AFAP1: variants seen among roughly 807,000 people sequenced by gnomAD.
The protein encoded by AFAP1 is actin filament-associated protein 1.
A neutral mutation model predicts 93.9 loss-of-function variants in AFAP1; 75 were observed. The observed-to-expected ratio is 0.80, with a 90% CI of 0.66 to 0.97. The LOEUF is 0.97. AFAP1 is among the 50% of genes least tolerant of loss of function. AFAP1 has a pLI of 0.00. For synonymous variants in AFAP1, 517 were observed against 430.7 expected (o/e 1.20, Z -2.48); for missense variants, 1,201 against 1,050.8 (o/e 1.14, Z -1.98).
At chr4:7,823,741 A>G (rs1469284239) in intron 6 of AFAP1, among the ~76,000 whole-genome samples, 2 of 152,168 alleles carry the variant, frequency 1.3e-5, no homozygotes, top group African/African-American at 4.8e-5. Flanking sequence ...TTGCTCTCTA[A>G]TCATTAACTT....
intron 3 of AFAP1, among the ~76,000 whole-genome samples, chr4:7,864,935 G>A (rs940847773): frequency 6.6e-6 from 1 of 151,982 alleles, no homozygotes; most frequent in Non-Finnish European, 1.5e-5. Context: ...CTATGATCGT[G>A]CCACTGCACT....
chr4:7,782,740 C>T (rs981918668), intron 12 of AFAP1, among the ~76,000 whole-genome samples: 15 of 152,168 alleles, frequency 9.9e-5, no homozygotes, highest in African/African-American at 3.1e-4. Flanking sequence ...TTCTGCCAGA[C>T]GGTAATTACA....
intron 8 of AFAP1, among the ~76,000 whole-genome samples, chr4:7,814,616 A>T (rs1356435764): frequency 2.6e-5 from 4 of 152,246 alleles, no homozygotes; most frequent in African/African-American, 9.6e-5. Context: ...ACTAGCCACA[A>T]ACACGGACGA....
intron 1 of AFAP1, among the ~76,000 whole-genome samples, chr4:7,929,665 AGT>A (rs1302762151): frequency 6.6e-6 from 1 of 152,210 alleles, no homozygotes; most frequent in African/African-American, 2.4e-5. Flanking sequence ...CAGTCAGCTC[AGT>A]GCACAGCTGC....
intron 1 of AFAP1, among the ~76,000 whole-genome samples, chr4:7,911,937 T>G (rs187981836): frequency 6.6e-6 from 1 of 152,224 alleles, no homozygotes; most frequent in Admixed American, 6.5e-5. Context: ...GAATGAAATA[T>G]AGAAAGGATT....
chr4:7,891,328 G>T (rs1003540936), intron 1 of AFAP1, among the ~76,000 whole-genome samples: 1 of 152,178 alleles, frequency 6.6e-6, no homozygotes, highest in South Asian at 2.1e-4. Flanking sequence ...AATGTTCTCC[G>T]TCTTCACGGA....
At chr4:7,780,643 C>CT (rs78947393) in intron 13 of AFAP1, among the ~76,000 whole-genome samples, 28,506 of 142,340 alleles carry the variant, frequency 0.2, 3,529 homozygotes, top group African/African-American at 0.36. Context: ...GAGACTTCAT[C>CT]TTTTTTTTTT....
At chr4:7,802,187 A>C (rs1027579512) in intron 9 of AFAP1, among the ~76,000 whole-genome samples, 1 of 152,216 alleles carries the variant, frequency 6.6e-6, no homozygotes, top group African/African-American at 2.4e-5. Flanking sequence ...ACCAACACAC[A>C]CTGAAGAGAA....
chr4:7,937,015 G>A (rs1471376974), intron 1 of AFAP1, among the ~76,000 whole-genome samples: 1 of 152,032 alleles, frequency 6.6e-6, no homozygotes, highest in Admixed American at 6.6e-5. Context: ...TACTTCACAT[G>A]ACACTTAAAA....
chr4:7,886,242 T>G (rs573534676), intron 1 of AFAP1, among the ~76,000 whole-genome samples: 1 of 152,318 alleles, frequency 6.6e-6, no homozygotes, highest in African/African-American at 2.4e-5. Context: ...ATAATAACAG[T>G]TATGTGCCTA....
intron 1 of AFAP1, among the ~76,000 whole-genome samples, chr4:7,900,300 T>G (rs1222100673): frequency 1.3e-5 from 2 of 152,206 alleles, no homozygotes; most frequent in African/African-American, 2.4e-5. Flanking sequence ...AGAATGTCTT[T>G]GCTCACATTT....
chr4:7,761,017 GAC>G lies in AFAP1; in HGVS notation c.*2746_*2747del, dbSNP rs1299698810. 1 of 152,246 alleles carries G rather than the reference GAC, an allele frequency of 6.6e-6. No homozygotes were observed. The highest frequency in any genetic ancestry group is 1.9e-4 in the East Asian group (1 of 5,194). 9.4% of individuals were successfully genotyped at this position (152,246 alleles called of 1,614,324 possible). A position where few individuals can be genotyped will look rare whatever the true frequency, so the allele number is the denominator to read the frequency against. The stretch of plus-strand genomic sequence containing the variant: ...TCAGCCTGGCTTCGTTATGAAATCA[GAC>G]ACACTCGCAGCTGCCACAGAGGCAA... On this transcript the variant is annotated 3_prime_UTR_variant, in exon 18 of 18. Coordinates refer to ENST00000420658, the MANE Select transcript of AFAP1 (RefSeq NM_001134647.2).
intron 17 of AFAP1, among the ~76,000 whole-genome samples, chr4:7,764,750 G>C (rs1411597009): frequency 6.6e-6 from 1 of 152,176 alleles, no homozygotes; most frequent in East Asian, 1.9e-4. Flanking sequence ...CCATGCACTG[G>C]GTGCGGCTAT....
At chr4:7,769,212 C>T (rs146131879) in intron 16 of AFAP1, among the ~76,000 whole-genome samples, 7 of 152,304 alleles carry the variant, frequency 4.6e-5, no homozygotes, top group African/African-American at 7.2e-5. Context: ...GAGGCTCCGA[C>T]GGGCAGGTGG....
chr4:7,875,742 A>G (rs1717461198), intron 1 of AFAP1, among the ~76,000 whole-genome samples: 1 of 152,266 alleles, frequency 6.6e-6, no homozygotes, highest in African/African-American at 2.4e-5. Context: ...ATACAATGAA[A>G]TATAATTCAT....
chr4:7,768,876 G>T lies in AFAP1; in HGVS notation c.2386C>A (p.Pro796Thr), dbSNP rs754653435. 4 of 1,607,494 alleles carry T rather than the reference G, an allele frequency of 2.5e-6. No individual in the cohort carries two copies. In the African/African-American group the frequency reaches 5.3e-5, roughly 21 times the overall value. The change falls in exon 17 of 18, where the codon CCC (proline) becomes ACC (threonine). Residue 796 changes from proline to threonine, a missense_variant. By Grantham distance (38) the Pro-to-Thr change is conservative. Coordinates refer to ENST00000420658, the MANE Select transcript of AFAP1 (RefSeq NM_001134647.2). The stretch of plus-strand genomic sequence containing the variant: ...TTCCGCAGCACATGCCCTCGGCAGG[G>T]GGAGCTGCCCGGGGCAGCCTGGCTC... ...KKSQAAPGSS[P>T]CRGHVLRKAK... is the part of the protein sequence containing the mutation.
intron 1 of AFAP1, among the ~76,000 whole-genome samples, chr4:7,891,741 A>C (rs1718484649): frequency 8.1e-6 from 1 of 124,114 alleles, no homozygotes; most frequent in Admixed American, 8.1e-5. Flanking sequence ...ATATGGTCTC[A>C]TTAAAAAAAA....
intron 4 of AFAP1, among the ~76,000 whole-genome samples, chr4:7,851,797 C>T (rs1714471552): frequency 6.6e-6 from 1 of 152,170 alleles, no homozygotes; most frequent in South Asian, 2.1e-4. Flanking sequence ...TGACACCATC[C>T]CTGGGATATC....
intron 6 of AFAP1, among the ~76,000 whole-genome samples, chr4:7,823,209 A>G (rs1009930395): frequency 1.3e-5 from 2 of 151,918 alleles, no homozygotes; most frequent in African/African-American, 4.8e-5. Flanking sequence ...TGCTTTTGTC[A>G]CTGTTCCCAA....
Sources: allele counts gnomAD v4.1 joint callset (sites outside exome capture counted in the v4.1 genomes callset), GRCh38; gene constraint gnomAD v4.1.1; transcripts MANE v1.5; gene names NCBI Gene and HGNC (gene_info 2026-07-23, HGNC 2026-07-21).